The following NCALD variants were observed in gnomAD, a reference collection of about 807,000 sequenced individuals.
NCALD encodes neurocalcin-delta.
In NCALD, 10 loss-of-function variants were observed where a neutral mutation model predicts 18.6. The ratio of observed to expected loss-of-function variants is 0.54; its 90% CI spans 0.33 to 0.91. NCALD has a LOEUF of 0.91. Ranked by LOEUF, NCALD falls within the 40% of genes least tolerant of loss-of-function variation. The pLI, the probability that NCALD is intolerant of heterozygous loss-of-function variation, is 0.03. For missense variants in NCALD, 184 were observed against 247.6 expected, an observed-to-expected ratio of 0.74 and a Z score of 1.72; for synonymous variants, 88 against 87.4, an observed-to-expected ratio of 1.01 and a Z score of -0.04.
chr8:101,770,238 C>T (rs1741043716), intron 1 of NCALD, among the ~76,000 whole-genome samples: 1 of 152,138 alleles, frequency 6.6e-6, no homozygotes, highest in African/African-American at 2.4e-5. Flanking sequence ...AGGTACTAGA[C>T]TGGTTTGAAG....
intron 2 of NCALD, among the ~76,000 whole-genome samples, chr8:101,999,979 T>G (rs1042922098): frequency 2.0e-5 from 3 of 152,118 alleles, no homozygotes; most frequent in African/African-American, 7.2e-5. Context: ...ACGAACGATT[T>G]CTGCAGTTCC....
chr8:101,858,543 A>C (rs1216659293), intron 4 of NCALD, among the ~76,000 whole-genome samples: 1 of 152,148 alleles, frequency 6.6e-6, no homozygotes, highest in African/African-American at 2.4e-5. Flanking sequence ...TTCTGAACGA[A>C]AGGCACAGCA....
At chr8:101,729,682 T>C (rs1816730515) in intron 1 of NCALD, among the ~76,000 whole-genome samples, 1 of 152,180 alleles carries the variant, frequency 6.6e-6, no homozygotes, top group African/African-American at 2.4e-5. Context: ...TCTTTTGCAT[T>C]CCCTACAGCA....
At chr8:102,088,987 C>T (rs1469021946) in intron 1 of NCALD, among the ~76,000 whole-genome samples, 2 of 152,100 alleles carry the variant, frequency 1.3e-5, no homozygotes, top group African/African-American at 2.4e-5. Flanking sequence ...AAACTGGGAC[C>T]CTTAATTTTG....
chr8:101,891,296 G>C (rs994444028), intron 3 of NCALD, among the ~76,000 whole-genome samples: 1 of 152,008 alleles, frequency 6.6e-6, no homozygotes. Flanking sequence ...CCTCATCCTT[G>C]ACAATCACTA....
chr8:102,028,840 G>T (rs931073864), intron 1 of NCALD, among the ~76,000 whole-genome samples: 2 of 152,118 alleles, frequency 1.3e-5, no homozygotes, highest in African/African-American at 2.4e-5. Flanking sequence ...GAGAGTAAAG[G>T]GGGGTACTAG....
rs566598520 is a variant in NCALD, at chr8:101,774,409, T to G, written c.-20+16453A>C. On this transcript the variant is annotated intron_variant, in intron 1 of 3. Transcript: ENST00000220931. ...TTAAAATAGAAACTTCCCTTGTGCA[T>G]AGTTCATTAATTTATTACCCTTGAG... Among the ~76,000 whole-genome samples the G allele has an allele frequency of 6.6e-5, 10 of 152,318 alleles. No homozygotes were observed. In the South Asian group the frequency reaches 1.9e-3, roughly 28 times the overall value.
intron 1 of NCALD, chr8:101,786,089 G>A (rs1812213821): frequency 1.3e-5 from 2 of 152,280 alleles, no homozygotes; most frequent in Non-Finnish European, 2.9e-5. Context: ...AGTACATATA[G>A]GTCTCTGGGC....
intron 1 of NCALD, among the ~76,000 whole-genome samples, chr8:101,778,060 C>T (rs1421887119): frequency 1.3e-5 from 2 of 152,168 alleles, no homozygotes; most frequent in African/African-American, 4.8e-5. Flanking sequence ...TTCTACTCCC[C>T]TTTAAGATTT....
chr8:101,958,565 G>C (rs760835519), intron 2 of NCALD, among the ~76,000 whole-genome samples: 16 of 152,098 alleles, frequency 1.1e-4, no homozygotes, highest in Non-Finnish European at 2.2e-4. Context: ...GATGTTGACT[G>C]TTTGCCATAT....
chr8:101,839,430 T>C (rs1474437239), intron 4 of NCALD, among the ~76,000 whole-genome samples: 1 of 152,132 alleles, frequency 6.6e-6, no homozygotes, highest in African/African-American at 2.4e-5. Flanking sequence ...ACTAAGAGGT[T>C]TGGCTTTCAG....
chr8:101,706,054 G>T (rs536947865), intron 2 of NCALD, among the ~76,000 whole-genome samples: 7 of 152,288 alleles, frequency 4.6e-5, no homozygotes, highest in African/African-American at 1.7e-4. Flanking sequence ...AGGCCTCTTT[G>T]GAGGGAGTCA....
At chr8:101,705,022 G>A (rs1010386477) in intron 2 of NCALD, among the ~76,000 whole-genome samples, 20 of 151,204 alleles carry the variant, frequency 1.3e-4, no homozygotes, top group African/African-American at 4.9e-4. Context: ...TTAGGAGTTC[G>A]AGACGACCAG....
chr8:101,901,117 T>A (rs115971183), intron 3 of NCALD, among the ~76,000 whole-genome samples: 3,131 of 152,162 alleles, frequency 0.021, 86 homozygotes, highest in African/African-American at 0.069. Flanking sequence ...CTGTCCTTGG[T>A]AATTTTCTTT....
chr8:101,859,462 G>C (rs1195459692), intron 4 of NCALD, among the ~76,000 whole-genome samples: 2 of 151,982 alleles, frequency 1.3e-5, no homozygotes, highest in African/African-American at 2.4e-5. Context: ...TATCCTTTTA[G>C]TTCTGTCCCT....
chr8:102,009,722 T>G (rs921022104), intron 2 of NCALD, among the ~76,000 whole-genome samples: 1 of 152,230 alleles, frequency 6.6e-6, no homozygotes, highest in East Asian at 1.9e-4. Flanking sequence ...AATGTTCTAT[T>G]GGAGCAGTTT....
chr8:101,910,334 G>C (rs1817748876), intron 3 of NCALD, among the ~76,000 whole-genome samples: 1 of 138,976 alleles, frequency 7.2e-6, no homozygotes, highest in South Asian at 2.1e-4. Flanking sequence ...GAGAGGAGGA[G>C]GTATGAGGGA....
chr8:101,757,448 C>T (rs1015317601), intron 1 of NCALD, among the ~76,000 whole-genome samples: 4 of 152,180 alleles, frequency 2.6e-5, no homozygotes, highest in Admixed American at 6.5e-5. Context: ...GACAACTACT[C>T]ATAGAGGGCC....
At position 102,017,598 on chromosome 8, in the gene NCALD, C is replaced by T. The variant is rs142006503; in HGVS notation, c.-157+2639G>A. On this transcript the variant is annotated intron_variant, in intron 2 of 6. Coordinates refer to the NCALD transcript ENST00000311028. ...CAGTCCCAGCTACTCGGGAGGCTGA[C>T]GCAGGAGAATTGCTTGAATCTGGGA... 2.6e-3 allele frequency among the ~76,000 whole-genome samples: 390 copies of T among 152,054 alleles called. 8 individuals are homozygous for T. Among genetic ancestry groups the T allele is most frequent in the South Asian group, 0.018 (88 of 4,806 alleles).
Sources: gnomAD v4.1 joint callset for allele counts (sites outside exome capture counted in the v4.1 genomes callset) on GRCh38, gnomAD v4.1.1 for gene constraint, MANE v1.5 for transcripts, NCBI Gene and HGNC (gene_info 2026-07-23, HGNC 2026-07-21) for gene names.